GREB1L: variants seen among roughly 807,000 people sequenced by gnomAD.
GREB1L encodes the protein GREB1-like protein.
GREB1L carries 17 observed loss-of-function variants against 200.8 expected under a neutral mutation model. That is an observed-to-expected ratio of 0.08 (90% CI 0.06 to 0.13). The LOEUF (loss-of-function observed/expected upper bound fraction) is 0.13. Ranked by LOEUF, GREB1L falls within the 10% of genes least tolerant of loss-of-function variation. GREB1L has a pLI of 1.00. For missense variants in GREB1L, 1,657 were observed against 2,367.7 expected, an observed-to-expected ratio of 0.70 and a Z score of 6.23; for synonymous variants, 789 against 893.0, an observed-to-expected ratio of 0.88 and a Z score of 2.08.
At chr18:21,494,700 A>G (rs1407073985) in intron 19 of GREB1L, among the ~76,000 whole-genome samples, 1 of 152,150 alleles carries the variant, frequency 6.6e-6, no homozygotes, top group Non-Finnish European at 1.5e-5. Flanking sequence ...ATGTCAGTTC[A>G]TTGCTTATAA....
intron 1 of GREB1L, among the ~76,000 whole-genome samples, chr18:21,287,334 G>C (rs1418138145): frequency 6.6e-6 from 1 of 152,040 alleles, no homozygotes; most frequent in African/African-American, 2.4e-5. Flanking sequence ...AACTCCTTGG[G>C]GAGTAGGAGA....
chr18:21,433,802 A>C (rs949911624), intron 7 of GREB1L, among the ~76,000 whole-genome samples: 1 of 152,032 alleles, frequency 6.6e-6, no homozygotes, highest in Non-Finnish European at 1.5e-5. Flanking sequence ...ATGCTCTCAG[A>C]CTCTCAGAGA....
Position 21,395,480 on chromosome 18 carries a change from C to G in GREB1L, c.451C>G (p.Pro151Ala), listed in dbSNP as rs2041016346. Residue 151 changes from proline (P) to alanine (A), a missense_variant, in exon 5 of 33, where the codon CCC (proline) becomes GCC (alanine). Physicochemically the swap from Pro to Ala is conservative, Grantham distance 27. Around this residue, in one of 9 missense-constraint regions of GREB1L, gnomAD observed 70 missense variants for 151.3 expected, o/e 0.46. Coordinates refer to ENST00000424526, the MANE Select transcript of GREB1L (RefSeq NM_001142966.3). ...AGFLLVGAKS[P>A]NLPEHILVCA... Reference sequence around the variant, plus strand: ...ATTCCTCCTGGTGGGGGCCAAGTCTCCCAATCTGCCTGAACACATCCTAGT... The same window carrying G: ...ATTCCTCCTGGTGGGGGCCAAGTCTGCCAATCTGCCTGAACACATCCTAGT... 2 of 1,551,164 alleles carry G rather than the reference C, an allele frequency of 1.3e-6. No homozygotes were observed. The highest frequency in any genetic ancestry group is 1.7e-6 in the Non-Finnish European group (2 of 1,146,738).
At chr18:21,384,668 T>C (rs2040462872) in intron 4 of GREB1L, among the ~76,000 whole-genome samples, 1 of 152,150 alleles carries the variant, frequency 6.6e-6, no homozygotes, top group Admixed American at 6.5e-5. Flanking sequence ...CTGTTTAGAA[T>C]TGCAGAGGCA....
In GREB1L at chr18:21,508,807, A is replaced by G. The variant is rs539582377; in HGVS notation, c.4735+216A>G. On this transcript the variant is annotated intron_variant, in intron 27 of 32. Transcript: ENST00000424526. Reference sequence around the variant, plus strand: ...CACTTTTGCAGAATTAACTCTGAGGACTGGTAATTAAGGAAGAAGTCACTG... The same window carrying G: ...CACTTTTGCAGAATTAACTCTGAGGGCTGGTAATTAAGGAAGAAGTCACTG... 3 of 572,650 alleles carry G rather than the reference A, an allele frequency of 5.2e-6. No individual in the cohort carries two copies. In the South Asian group the frequency reaches 6.1e-5, roughly 12 times the overall value. The allele number at this position is 572,650 out of a possible 1,614,324, so 35.5% of individuals were successfully genotyped here. A position where few individuals can be genotyped will look rare whatever the true frequency, so the allele number is the denominator to read the frequency against.
intron 1 of GREB1L, among the ~76,000 whole-genome samples, chr18:21,279,593 T>C (rs1440719434): frequency 6.6e-6 from 1 of 152,202 alleles, no homozygotes; most frequent in Non-Finnish European, 1.5e-5. Context: ...CCAATTTCAC[T>C]GCGAATTTAG....
chr18:21,286,808 A>G (rs1254678082), intron 1 of GREB1L, among the ~76,000 whole-genome samples: 1 of 151,868 alleles, frequency 6.6e-6, no homozygotes, highest in Non-Finnish European at 1.5e-5. Context: ...TATGGTTTTG[A>G]TTTTATTTTG....
intron 7 of GREB1L, among the ~76,000 whole-genome samples, chr18:21,438,328 A>G (rs908689087): frequency 1.3e-5 from 2 of 152,156 alleles, no homozygotes; most frequent in Non-Finnish European, 1.5e-5. Context: ...AAGTATAGCA[A>G]TGATATTACA....
At chr18:21,519,407 G>A (rs1431658356) in intron 31 of GREB1L, among the ~76,000 whole-genome samples, 2 of 152,084 alleles carry the variant, frequency 1.3e-5, no homozygotes, top group Non-Finnish European at 2.9e-5. Flanking sequence ...AGGTTGCAGT[G>A]ATCTGATTTG....
intron 11 of GREB1L, among the ~76,000 whole-genome samples, chr18:21,448,111 G>A (rs1490473297): frequency 6.0e-5 from 9 of 149,468 alleles, no homozygotes; most frequent in East Asian, 2.0e-4. Flanking sequence ...GCAGTGAGCC[G>A]AGATCGCGCC....
At chr18:21,384,431 C>G in intron 4 of GREB1L, 28 bp downstream of exon 4, 2 of 1,500,698 alleles carry the variant, frequency 1.3e-6, no homozygotes, top group Non-Finnish European at 1.8e-6. Flanking sequence ...TTTCTTTTTG[C>G]TATTTTGTCT....
rs568993346 is a variant in GREB1L, at chr18:21,426,958, CA to C, written c.833-12549del. On this transcript the variant is annotated intron_variant, in intron 7 of 32. Coordinates refer to ENST00000424526, the MANE Select transcript of GREB1L (RefSeq NM_001142966.3). ...TGGGCAACAGAGCGAGACTACGTCTCAAAAAAAAAAAAAACAAAAAAAAAAA... is the reference window on the plus strand; with the variant it reads ...TGGGCAACAGAGCGAGACTACGTCTCAAAAAAAAAAAAACAAAAAAAAAAA... Among the ~76,000 whole-genome samples, 270 of 68,386 alleles carry C rather than the reference CA, an allele frequency of 3.9e-3. 2 individuals carry two copies. The highest frequency in any genetic ancestry group is 8.1e-3 in the Middle Eastern group (1 of 124). 44.9% of individuals were successfully genotyped at this position (68,386 alleles called of 152,430 possible). A position where few individuals can be genotyped will look rare whatever the true frequency, so the allele number is the denominator to read the frequency against.
rs760335649 is a variant in GREB1L, at chr18:21,473,176, G to C, written c.2328G>C (p.Val776=). The C allele has an allele frequency of 1.9e-6, 3 of 1,543,542 alleles. No homozygotes were observed. Among genetic ancestry groups the C allele is most frequent in the East Asian group, 4.9e-5 (2 of 40,562 alleles). ...RVKQNPYTLF[V]LVHDNSHVEL... is the part of the protein sequence containing the mutation. ...AACAGAACCCGTACACACTGTTTGT[G>C]CTAGTTCATGACAACTCCCATGTGG... Residue 776 remains valine, a synonymous_variant, in exon 16 of 33, where the codon GTG becomes GTC. Transcript: ENST00000424526.
chr18:21,494,497 G>A (rs146593193), intron 19 of GREB1L, among the ~76,000 whole-genome samples: 4 of 151,734 alleles, frequency 2.6e-5, no homozygotes, highest in Admixed American at 6.6e-5. Context: ...ATCCTATTTT[G>A]TGCTTAGCAA....
chr18:21,264,344 T>C (rs1470019959), intron 1 of GREB1L, among the ~76,000 whole-genome samples: 2 of 152,092 alleles, frequency 1.3e-5, no homozygotes, highest in Non-Finnish European at 2.9e-5. Context: ...TATCCACTTA[T>C]AATTGTTGTT....
At chr18:21,397,524 CAAAAA>C (rs10719044) in intron 5 of GREB1L, among the ~76,000 whole-genome samples, 3 of 103,358 alleles carry the variant, frequency 2.9e-5, no homozygotes, top group Admixed American at 9.6e-5. Flanking sequence ...GACTCCGTCT[CAAAAA>C]AAAAAAAAAA....
chr18:21,409,040 T>A (rs11662084), intron 7 of GREB1L, among the ~76,000 whole-genome samples: 1 of 152,102 alleles, frequency 6.6e-6, no homozygotes, highest in African/African-American at 2.4e-5. Context: ...CCAAGAGAAA[T>A]GAAAATATAT....
intron 1 of GREB1L, among the ~76,000 whole-genome samples, chr18:21,273,639 GTC>G (rs2038114380): frequency 6.6e-6 from 1 of 152,152 alleles, no homozygotes; most frequent in South Asian, 2.1e-4. Context: ...TTCATAATTT[GTC>G]TTGGAGATTT....
At chr18:21,512,680 T>A (rs192370364) in intron 27 of GREB1L, among the ~76,000 whole-genome samples, 126 of 152,124 alleles carry the variant, frequency 8.3e-4, no homozygotes, top group Middle Eastern at 3.5e-3. Context: ...TGGCCGTGAC[T>A]TCCAGTATTA....
Sources: allele counts gnomAD v4.1 joint callset (sites outside exome capture counted in the v4.1 genomes callset), GRCh38; gene constraint gnomAD v4.1.1; regional missense constraint gnomAD v4.1.1; transcripts MANE v1.5; gene names NCBI Gene and HGNC (gene_info 2026-07-23, HGNC 2026-07-21).